Variants in AGPAT5 observed in about 807,000 individuals in gnomAD.
AGPAT5 encodes 1-acyl-sn-glycerol-3-phosphate acyltransferase epsilon.
A neutral mutation model predicts 45.6 loss-of-function variants in AGPAT5; 46 were observed. That is an observed-to-expected ratio of 1.01 (90% CI 0.80 to 1.29). The LOEUF (loss-of-function observed/expected upper bound fraction) is 1.29, where lower values mean the gene tolerates loss of function less well. Ranked by LOEUF, AGPAT5 falls within the 50% of genes most tolerant of loss-of-function variation. AGPAT5 has a pLI of 0.00. For synonymous variants in AGPAT5, 272 were observed against 167.0 expected, an observed-to-expected ratio of 1.63 and a Z score of -4.85; for missense variants, 673 against 450.7, an observed-to-expected ratio of 1.49 and a Z score of -4.47.
rs6991261 is a variant in AGPAT5, at chr8:6,752,093, C to T, written c.746-2958C>T. 8.1e-3 allele frequency among the ~76,000 whole-genome samples: 1,228 copies of T among 152,192 alleles called. 19 individuals are homozygous for T. The highest frequency in any genetic ancestry group is 0.028 in the African/African-American group (1,152 of 41,504). ...TCAGGAGGCTGAGGTAGGGGAATCA[C>T]TTGAATCCGGGAGGCAGCAGTTGCA... On this transcript the variant is annotated intron_variant, in intron 6 of 7. Coordinates refer to ENST00000285518, the MANE Select transcript of AGPAT5 (RefSeq NM_018361.5).
rs185783188 is a variant in AGPAT5 at position 6,722,431 on chromosome 8, A to T, written c.220-2439A>T. Among the ~76,000 whole-genome samples, 79 of 152,354 alleles carry T rather than the reference A, an allele frequency of 5.2e-4. 1 individual carries two copies. Among genetic ancestry groups the T allele is most frequent in the East Asian group, 1.3e-3 (7 of 5,192 alleles). On this transcript the variant is annotated intron_variant, in intron 1 of 7. Transcript: ENST00000285518. ...TAAAAAATCATGTTTCAAGATTTGC[A>T]TGTGGAAGACAAATGGACATGATTG...
chr8:6,719,844 G>A (rs1206754501), intron 1 of AGPAT5, among the ~76,000 whole-genome samples: 4 of 152,164 alleles, frequency 2.6e-5, no homozygotes, highest in South Asian at 2.1e-4. Context: ...TGAACCTGAC[G>A]AAAATGGAAG....
intron 1 of AGPAT5, among the ~76,000 whole-genome samples, chr8:6,718,834 A>G (rs1800412609): frequency 6.6e-6 from 1 of 152,226 alleles, no homozygotes; most frequent in Admixed American, 6.5e-5. Context: ...TGAAAAAGAA[A>G]TTGTAAAAAT....
At chr8:6,745,799 ATTAC>A (rs1801429951) in intron 5 of AGPAT5, 1 of 150,316 alleles carries the variant, frequency 6.7e-6, no homozygotes, top group Admixed American at 6.6e-5. Flanking sequence ...AGCCACTGCC[ATTAC>A]TTCAGTTATC....
At chr8:6,729,586 T>G (rs1301729712) in intron 2 of AGPAT5, among the ~76,000 whole-genome samples, 1 of 152,182 alleles carries the variant, frequency 6.6e-6, no homozygotes, top group Non-Finnish European at 1.5e-5. Context: ...GTTTCTGCGG[T>G]TCTTAAGACC....
intron 1 of AGPAT5, among the ~76,000 whole-genome samples, chr8:6,718,028 C>T (rs1051207047): frequency 6.6e-6 from 1 of 152,130 alleles, no homozygotes; most frequent in African/African-American, 2.4e-5. Flanking sequence ...TCAAGATTCT[C>T]GTCCTTAAAT....
chr8:6,739,591 A>G (rs1425426790), intron 4 of AGPAT5, among the ~76,000 whole-genome samples: 2 of 152,094 alleles, frequency 1.3e-5, no homozygotes, highest in Non-Finnish European at 2.9e-5. Flanking sequence ...ACCTAGGCAT[A>G]TATTTGACTT....
chr8:6,717,220 GT>G (rs1563283127), intron 1 of AGPAT5, among the ~76,000 whole-genome samples: 1 of 152,184 alleles, frequency 6.6e-6, no homozygotes, highest in African/African-American at 2.4e-5. Context: ...TGTTTCTTCT[GT>G]TTCTCTGTAG....
At chr8:6,756,820 A>C (rs1231640920) in intron 7 of AGPAT5, among the ~76,000 whole-genome samples, 1 of 152,098 alleles carries the variant, frequency 6.6e-6, no homozygotes, top group African/African-American at 2.4e-5. Context: ...CTCCATGTAA[A>C]AAGGAGGAGA....
In AGPAT5 at chr8:6,757,597, G is replaced by C. The variant is rs1283189028; in HGVS notation, c.*209G>C. 5 of 529,614 alleles carry C rather than the reference G, an allele frequency of 9.4e-6. No individual in the cohort carries two copies. Among genetic ancestry groups the C allele is most frequent in the Non-Finnish European group, 1.7e-5 (5 of 297,890 alleles). 32.8% of individuals were successfully genotyped at this position (529,614 alleles called of 1,614,324 possible). A position where few individuals can be genotyped will look rare whatever the true frequency, so the allele number is the denominator to read the frequency against. On this transcript the variant is annotated 3_prime_UTR_variant, in exon 8 of 8. Transcript: ENST00000285518. ...GTACAACTTTAGCATCGGGGCTGCT[G>C]GAAGGGTAAAAGCTAAATGGAGTTT...
chr8:6,715,357 T>C (rs1800287719), intron 1 of AGPAT5, among the ~76,000 whole-genome samples: 1 of 151,494 alleles, frequency 6.6e-6, no homozygotes, highest in Non-Finnish European at 1.5e-5. Context: ...GTGGAAAGAG[T>C]GGATGTTAAG....
intron 2 of AGPAT5, among the ~76,000 whole-genome samples, chr8:6,729,969 TA>T (rs1800808618): frequency 6.6e-6 from 1 of 152,222 alleles, no homozygotes; most frequent in African/African-American, 2.4e-5. Context: ...TACCGAGTCC[TA>T]AAAACTCATT....
chr8:6,709,022 C>CCCGCCTTCCTCT (rs1226277134), intron 1 of AGPAT5, 135 bp downstream of exon 1: 4 of 833,774 alleles, frequency 4.8e-6, no homozygotes, highest in African/African-American at 1.7e-5. Flanking sequence ...GTGCCGCCTC[C>CCCGCCTTCCTCT]CCGCCTTCCT....
intron 1 of AGPAT5, 177 bp downstream of exon 1, chr8:6,709,064 C>T (rs766441926): frequency 1.2e-5 from 9 of 728,860 alleles, no homozygotes; most frequent in South Asian, 3.1e-5. Context: ...CTGCCGAGAT[C>T]GCTCTCTAGG....
chr8:6,745,010 T>C (rs1801387819), intron 5 of AGPAT5, among the ~76,000 whole-genome samples: 1 of 152,244 alleles, frequency 6.6e-6, no homozygotes, highest in South Asian at 2.1e-4. Flanking sequence ...TTTCTCCTTT[T>C]GACTACCTCA....
chr8:6,755,343 A>G (rs1055756865), intron 7 of AGPAT5, among the ~76,000 whole-genome samples, 169 bp downstream of exon 7: 1 of 152,266 alleles, frequency 6.6e-6, no homozygotes, highest in Non-Finnish European at 1.5e-5. Context: ...ACTTGTACAA[A>G]TCAGTCTAAA....
chr8:6,732,583 G>A lies in AGPAT5; in HGVS notation c.428G>A (p.Arg143His), dbSNP rs775096325. ...CAGCATGGAGGAATCTATGTAAAGCGCAGTGCCAAATTTAACGAGAAAGAG... is the reference window on the plus strand; with the variant it reads ...CAGCATGGAGGAATCTATGTAAAGCACAGTGCCAAATTTAACGAGAAAGAG... Reference protein sequence around the residue: ...FAQHGGIYVKRSAKFNEKEMR... With the variant: ...FAQHGGIYVKHSAKFNEKEMR... Residue 143 changes from arginine (R) to histidine (H), a missense_variant, in exon 4 of 8, where the codon CGC becomes CAC. Coordinates refer to ENST00000285518, the MANE Select transcript of AGPAT5 (RefSeq NM_018361.5). The A allele has an allele frequency of 1.8e-5, 29 of 1,609,740 alleles. No homozygotes were observed. Among genetic ancestry groups the A allele is most frequent in the South Asian group, 1.0e-4 (9 of 90,230 alleles).
Position 6,730,721 on chromosome 8 carries a change from T to G in AGPAT5, c.300T>G (p.Ile100Met). ...LANHQSTVDW[I>M]VADILAIRQN... Reference sequence around the variant, plus strand: ...GTCCTGTCTCTGCAGTTGACTGGATTGTTGCTGACATCTTGGCCATCAGGC... The same window carrying G: ...GTCCTGTCTCTGCAGTTGACTGGATGGTTGCTGACATCTTGGCCATCAGGC... Residue 100 changes from isoleucine (I) to methionine (M), a missense_variant, in exon 3 of 8, where the codon ATT becomes ATG. Transcript: ENST00000285518. The G allele has an allele frequency of 6.2e-7, 1 of 1,613,062 alleles. No homozygotes were observed. The highest frequency in any genetic ancestry group is 1.1e-5 in the South Asian group (1 of 90,976).
intron 6 of AGPAT5, among the ~76,000 whole-genome samples, chr8:6,749,239 G>T (rs932390384): frequency 2.0e-5 from 3 of 152,194 alleles, no homozygotes; most frequent in Admixed American, 1.3e-4. Flanking sequence ...AGAGAGAGCA[G>T]CTGTCTACTG....
Sources: gnomAD v4.1 joint callset for allele counts (sites outside exome capture counted in the v4.1 genomes callset) on GRCh38, gnomAD v4.1.1 for gene constraint, MANE v1.5 for transcripts, NCBI Gene and HGNC (gene_info 2026-07-23, HGNC 2026-07-21) for gene names.